The following KDM4C variants were observed in gnomAD, a reference collection of about 807,000 sequenced individuals.
The protein encoded by KDM4C is lysine-specific demethylase 4C.
KDM4C carries 81 observed loss-of-function variants against 129.3 expected under a neutral mutation model. That is an observed-to-expected ratio of 0.63 (90% confidence interval 0.52 to 0.75). The LOEUF (loss-of-function observed/expected upper bound fraction) is 0.75. Ranked by LOEUF, KDM4C falls within the 30% of genes least tolerant of loss-of-function variation. The pLI, the probability that KDM4C is intolerant of heterozygous loss-of-function variation, is 0.00. For missense variants in KDM4C, 1,457 were observed against 1,304.0 expected (o/e 1.12, Z -1.81); for synonymous variants, 573 against 456.1 (o/e 1.26, Z -3.26).
rs190726795 is a variant in KDM4C at position 6,799,312 on chromosome 9, C to T, written c.144+6180C>T. On this transcript the variant is annotated intron_variant, in intron 2 of 21. Transcript: ENST00000381309. ...GTTAAGGAGACTCTGTCTGCAATCC[C>T]GGCATCTTGGGAGGCCGAGGCTGGC... is the stretch of plus-strand genomic sequence containing the variant. Among the ~76,000 whole-genome samples, 101 of 152,358 alleles carry T rather than the reference C, an allele frequency of 6.6e-4. 1 individual carries two copies. Among genetic ancestry groups the T allele is most frequent in the African/African-American group, 2.3e-3 (95 of 41,592 alleles).
intron 8 of KDM4C, among the ~76,000 whole-genome samples, chr9:6,917,907 A>C (rs1206463917): frequency 6.6e-6 from 1 of 152,180 alleles, no homozygotes; most frequent in Non-Finnish European, 1.5e-5. Flanking sequence ...TTGTCCAGGC[A>C]TCTCAATTCT....
Position 6,892,979 on chromosome 9 carries a change from G to A in KDM4C, c.784-116G>A, listed in dbSNP as rs1276092885. 3 of 710,346 alleles carry A rather than the reference G, an allele frequency of 4.2e-6. No individual in the cohort carries two copies. In the African/African-American group the frequency reaches 5.6e-5, roughly 13 times the overall value. The allele number at this position is 710,346 out of a possible 1,614,324, so 44.0% of individuals were successfully genotyped here. ...GAATCTGGTGGAACTCTTTTTGGTA[G>A]TGCTCTGATATCAAGACTTTTTTTC... On this transcript the variant is annotated intron_variant, in intron 7 of 21. Coordinates refer to ENST00000381309, the MANE Select transcript of KDM4C (RefSeq NM_015061.6).
intron 18 of KDM4C, among the ~76,000 whole-genome samples, chr9:7,112,719 G>A (rs934166379): frequency 6.6e-6 from 1 of 151,994 alleles, no homozygotes; most frequent in Admixed American, 6.6e-5. Context: ...CCCTCACTTC[G>A]TCTGGAGCTC....
At chr9:6,985,705 T>G (rs1817571431) in intron 10 of KDM4C, among the ~76,000 whole-genome samples, 1 of 152,180 alleles carries the variant, frequency 6.6e-6, no homozygotes, top group Admixed American at 6.5e-5. Flanking sequence ...TTTAAATTTT[T>G]TTTGAGACAG....
intron 8 of KDM4C, among the ~76,000 whole-genome samples, chr9:6,902,513 T>C (rs1233074540): frequency 6.6e-6 from 1 of 152,174 alleles, no homozygotes; most frequent in African/African-American, 2.4e-5. Context: ...TCTGTGAGGC[T>C]TAGTTTTCCT....
chr9:6,726,278 C>T (rs1817124945), intron 1 of KDM4C, among the ~76,000 whole-genome samples: 2 of 152,272 alleles, frequency 1.3e-5, no homozygotes, highest in Middle Eastern at 6.8e-3. Context: ...TTCAGAGAGA[C>T]TTCCGAGATT....
chr9:6,779,141 G>A (rs1358687539), intron 1 of KDM4C, among the ~76,000 whole-genome samples: 1 of 150,390 alleles, frequency 6.6e-6, no homozygotes, highest in East Asian at 2.0e-4. Context: ...CCATTCTCCT[G>A]CCTCAGCCTC....
intron 8 of KDM4C, among the ~76,000 whole-genome samples, chr9:6,939,885 C>T (rs761746363): frequency 1.1e-4 from 16 of 152,130 alleles, no homozygotes; most frequent in South Asian, 2.1e-4. Context: ...AAGTAAAAAA[C>T]GTTGGCTTTA....
At chr9:7,011,218 C>T (rs1822627510) in intron 12 of KDM4C, among the ~76,000 whole-genome samples, 1 of 152,072 alleles carries the variant, frequency 6.6e-6, no homozygotes, top group African/African-American at 2.4e-5. Context: ...TTCTTGAACC[C>T]AGAATTTAAT....
chr9:6,812,130 G>A (rs1158960894), intron 3 of KDM4C, among the ~76,000 whole-genome samples: 2 of 151,796 alleles, frequency 1.3e-5, no homozygotes, highest in African/African-American at 2.4e-5. Context: ...CCAGCTACTC[G>A]GGAGGCTGAG....
intron 17 of KDM4C, among the ~76,000 whole-genome samples, chr9:7,077,494 A>G (rs1440099765): frequency 1.3e-5 from 2 of 152,096 alleles, no homozygotes; most frequent in African/African-American, 4.8e-5. Context: ...TCTTCCAACA[A>G]CTCTTTCATA....
chr9:6,944,652 GTTTTT>G (rs1158199897), intron 8 of KDM4C, among the ~76,000 whole-genome samples: 5 of 80,990 alleles, frequency 6.2e-5, no homozygotes, highest in South Asian at 6.4e-4. Flanking sequence ...CAAGGTAGAG[GTTTTT>G]TTTTTTTTTT....
At chr9:6,853,095 G>A (rs1030579408) in intron 5 of KDM4C, among the ~76,000 whole-genome samples, 1 of 151,958 alleles carries the variant, frequency 6.6e-6, no homozygotes, top group Non-Finnish European at 1.5e-5. Context: ...GGCTATAGGA[G>A]CGATGCCCTG....
intron 18 of KDM4C, among the ~76,000 whole-genome samples, chr9:7,124,183 C>T (rs1053404947): frequency 6.6e-6 from 1 of 152,188 alleles, no homozygotes; most frequent in East Asian, 1.9e-4. Flanking sequence ...GAGTAATCAG[C>T]TTATAATGCA....
At chr9:6,806,525 A>ATAAT (rs1829998256) in intron 3 of KDM4C, among the ~76,000 whole-genome samples, 1 of 151,698 alleles carries the variant, frequency 6.6e-6, no homozygotes, top group Non-Finnish European at 1.5e-5. Flanking sequence ...AAATAAATAA[A>ATAAT]TAAATAAATA....
chr9:6,758,432 C>A lies in KDM4C; in HGVS notation c.-18+229C>A, dbSNP rs148782124. ...GGGGGCCGGTGACAGCCCGCTCCGG[C>A]CCTTACCGAGGTTCGGTACCCGCGC... On this transcript the variant is annotated intron_variant, in intron 1 of 21. Coordinates refer to ENST00000381309, the MANE Select transcript of KDM4C (RefSeq NM_015061.6). The surrounding 1 kb of genome is among the most constrained non-coding windows in gnomAD (Gnocchi z 4.6). 1.2e-3 allele frequency among the ~76,000 whole-genome samples: 180 copies of A among 152,318 alleles called. No individual in the cohort carries two copies. Among genetic ancestry groups the A allele is most frequent in the Non-Finnish European group, 1.8e-3 (124 of 68,018 alleles).
At chr9:6,811,565 C>T (rs1831152193) in intron 3 of KDM4C, among the ~76,000 whole-genome samples, 2 of 152,124 alleles carry the variant, frequency 1.3e-5, no homozygotes, top group Admixed American at 6.6e-5. Flanking sequence ...CTAGAGATTT[C>T]CGATATAACT....
intron 1 of KDM4C, among the ~76,000 whole-genome samples, chr9:6,739,847 A>G (rs556929302): frequency 1.3e-5 from 2 of 152,210 alleles, no homozygotes; most frequent in South Asian, 4.1e-4. Context: ...AAATGAATAA[A>G]TAGCAAAGTA....
chr9:6,882,877 G>A (rs538059249), intron 6 of KDM4C, among the ~76,000 whole-genome samples: 5 of 152,068 alleles, frequency 3.3e-5, no homozygotes, highest in African/African-American at 4.8e-5. Flanking sequence ...ATCCTGTGGA[G>A]TAAGAGGTCA....
Sources: gnomAD v4.1 joint callset for allele counts (sites outside exome capture counted in the v4.1 genomes callset) on GRCh38, gnomAD v4.1.1 for gene constraint, Gnocchi (gnomAD v3.1) non-coding constraint, MANE v1.5 for transcripts, NCBI Gene and HGNC (gene_info 2026-07-23, HGNC 2026-07-21) for gene names.